CCBE1: variants seen among roughly 807,000 people sequenced by gnomAD.
CCBE1 encodes collagen and calcium-binding EGF domain-containing protein 1.
Under a neutral mutation model 50.0 loss-of-function variants are expected in CCBE1, and 37 were observed. The ratio of observed to expected loss-of-function variants is 0.74; its 90% confidence interval spans 0.57 to 0.97. The LOEUF (loss-of-function observed/expected upper bound fraction) is 0.97, where lower values mean the gene tolerates loss of function less well. CCBE1 is among the 50% of genes least tolerant of loss of function. CCBE1 has a pLI of 0.00. For missense variants in CCBE1, 538 were observed against 523.8 expected (o/e 1.03, Z -0.26); for synonymous variants, 234 against 203.7 (o/e 1.15, Z -1.27).
chr18:59,669,176 C>A (rs1217196280), intron 2 of CCBE1, among the ~76,000 whole-genome samples: 1 of 152,098 alleles, frequency 6.6e-6, no homozygotes, highest in Non-Finnish European at 1.5e-5. Context: ...GCCTTTTTAG[C>A]TACACTTATT....
At chr18:59,570,444 A>G (rs997885748) in intron 2 of CCBE1, among the ~76,000 whole-genome samples, 5 of 152,208 alleles carry the variant, frequency 3.3e-5, no homozygotes, top group African/African-American at 1.2e-4. Context: ...GATGAGGGGC[A>G]TCAATCATGT....
intron 2 of CCBE1, among the ~76,000 whole-genome samples, chr18:59,689,347 G>A (rs1266058887): frequency 6.6e-6 from 1 of 152,174 alleles, no homozygotes; most frequent in Non-Finnish European, 1.5e-5. Context: ...GAACGGATGT[G>A]GTCCCAGTTT....
intron 2 of CCBE1, among the ~76,000 whole-genome samples, chr18:59,491,304 C>A (rs1010829824): frequency 6.6e-6 from 1 of 152,326 alleles, no homozygotes; most frequent in African/African-American, 2.4e-5. Flanking sequence ...CTCTGCAAGT[C>A]TGCCATTGCT....
At chr18:59,671,107 G>T (rs1371959642) in intron 2 of CCBE1, among the ~76,000 whole-genome samples, 1 of 152,192 alleles carries the variant, frequency 6.6e-6, no homozygotes, top group Admixed American at 6.5e-5. Context: ...ATCATATTAA[G>T]GGAGACTTAA....
chr18:59,599,365 C>T (rs1277128237), intron 2 of CCBE1, among the ~76,000 whole-genome samples: 1 of 152,138 alleles, frequency 6.6e-6, no homozygotes, highest in East Asian at 1.9e-4. Flanking sequence ...GTTGAGAAAA[C>T]ATGCAGTTTG....
chr18:59,608,235 C>T (rs759017493), intron 2 of CCBE1, among the ~76,000 whole-genome samples: 11 of 152,194 alleles, frequency 7.2e-5, no homozygotes, highest in African/African-American at 1.4e-4. Flanking sequence ...GCATTTGTCA[C>T]GAGTGTTCAA....
chr18:59,508,542 T>C (rs1440813530), intron 2 of CCBE1, among the ~76,000 whole-genome samples: 2 of 151,798 alleles, frequency 1.3e-5, no homozygotes, highest in Non-Finnish European at 2.9e-5. Context: ...GGTTGCAGTG[T>C]ACTGAGATTA....
intron 2 of CCBE1, 171 bp downstream of exon 2, chr18:59,696,458 C>T: frequency 1.4e-6 from 2 of 1,480,206 alleles, no homozygotes; most frequent in Non-Finnish European, 1.8e-6. Flanking sequence ...TGCTCTGACT[C>T]CGATCCAACC....
At chr18:59,619,445 A>G (rs893736100) in intron 2 of CCBE1, among the ~76,000 whole-genome samples, 4 of 152,332 alleles carry the variant, frequency 2.6e-5, no homozygotes, top group Middle Eastern at 3.4e-3. Context: ...CAGCCTCCCC[A>G]GGTAGCTAGG....
At chr18:59,495,436 A>T (rs183373131) in intron 2 of CCBE1, among the ~76,000 whole-genome samples, 1 of 151,376 alleles carries the variant, frequency 6.6e-6, no homozygotes, top group East Asian at 2.0e-4. Context: ...GAGGTTCAAA[A>T]TAGGAAAGTG....
intron 5 of CCBE1, among the ~76,000 whole-genome samples, chr18:59,464,321 G>A (rs1384386283): frequency 2.0e-5 from 3 of 152,164 alleles, no homozygotes; most frequent in African/African-American, 7.2e-5. Flanking sequence ...CCAGATACTT[G>A]GGAGGCTGAG....
chr18:59,604,679 A>G (rs1599054940), intron 2 of CCBE1, among the ~76,000 whole-genome samples: 1 of 152,258 alleles, frequency 6.6e-6, no homozygotes, highest in South Asian at 2.1e-4. Flanking sequence ...TGATTGCTTC[A>G]ATAGGCATTT....
chr18:59,463,738 C>T (rs7244209), intron 5 of CCBE1, among the ~76,000 whole-genome samples: 2 of 152,082 alleles, frequency 1.3e-5, no homozygotes, highest in Admixed American at 1.3e-4. Flanking sequence ...AGCAGTATTG[C>T]GTTTGTTGCT....
intron 2 of CCBE1, among the ~76,000 whole-genome samples, chr18:59,632,012 A>C (rs2053855269): frequency 6.6e-6 from 1 of 152,240 alleles, no homozygotes; most frequent in South Asian, 2.1e-4. Flanking sequence ...CTTAAGAATT[A>C]AAATATTGCT....
At chr18:59,615,755 T>C (rs1211792883) in intron 2 of CCBE1, among the ~76,000 whole-genome samples, 1 of 151,730 alleles carries the variant, frequency 6.6e-6, no homozygotes, top group East Asian at 1.9e-4. Flanking sequence ...CCAGTCACTT[T>C]AGAAGGCAAG....
At position 59,580,237 on chromosome 18, in the gene CCBE1, T is replaced by C. The variant is rs76148339; in HGVS notation, c.213-99999A>G. ...CATATCTGATCGCCTCCTTTGGAGA[T>C]GCTAATCAGAAACTCAAAATAATGC... On this transcript the variant is annotated intron_variant, in intron 2 of 10. Coordinates refer to ENST00000439986, the MANE Select transcript of CCBE1 (RefSeq NM_133459.4). 9.4e-3 allele frequency among the ~76,000 whole-genome samples: 1,430 copies of C among 152,322 alleles called. 28 individuals carry two copies. Among genetic ancestry groups the C allele is most frequent in the African/African-American group, 0.033 (1,387 of 41,576 alleles).
At chr18:59,486,552 C>T (rs1912831998) in intron 2 of CCBE1, among the ~76,000 whole-genome samples, 1 of 152,220 alleles carries the variant, frequency 6.6e-6, no homozygotes, top group Non-Finnish European at 1.5e-5. Flanking sequence ...CCCTGAAACA[C>T]AATGTATGAA....
At chr18:59,438,208 T>G in intron 9 of CCBE1, 62 bp from the exon 10 acceptor site, 3 of 1,412,044 alleles carry the variant, frequency 2.1e-6, no homozygotes, top group Non-Finnish European at 3.0e-6. Flanking sequence ...GAATAGTCTC[T>G]ATTTATACAC....
intron 2 of CCBE1, among the ~76,000 whole-genome samples, chr18:59,680,206 G>T (rs2054567187): frequency 7.1e-6 from 1 of 141,070 alleles, no homozygotes; most frequent in Non-Finnish European, 1.5e-5. Flanking sequence ...GGGCGACAGA[G>T]TGAGACCCCT....
Sources: gnomAD v4.1 joint callset for allele counts (sites outside exome capture counted in the v4.1 genomes callset) on GRCh38, gnomAD v4.1.1 for gene constraint, MANE v1.5 for transcripts, NCBI Gene and HGNC (gene_info 2026-07-23, HGNC 2026-07-21) for gene names.